KCNMB1: variants seen among roughly 807,000 people sequenced by gnomAD.
KCNMB1 encodes calcium-activated potassium channel subunit beta-1.
In KCNMB1, 22 loss-of-function variants were observed where a neutral mutation model predicts 21.7. The ratio of observed to expected loss-of-function variants is 1.01; its 90% CI spans 0.72 to 1.45. KCNMB1 has a LOEUF of 1.45. KCNMB1 is among the 40% of genes most tolerant of loss of function. The pLI is 0.00. For synonymous variants in KCNMB1, 114 were observed against 107.6 expected, an observed-to-expected ratio of 1.06 and a Z score of -0.37; for missense variants, 243 against 243.4, an observed-to-expected ratio of 1.00 and a Z score of 0.01.
chr5:170,378,653 C>T lies in KCNMB1; in HGVS notation c.*51G>A. The T allele has an allele frequency of 6.5e-7, 1 of 1,540,008 alleles. No homozygotes were observed. The highest frequency in any genetic ancestry group is 8.7e-7 in the Non-Finnish European group (1 of 1,146,128). On this transcript the variant is annotated 3_prime_UTR_variant, in exon 4 of 4. Coordinates refer to ENST00000274629, the MANE Select transcript of KCNMB1 (RefSeq NM_004137.4). ...TGCAAGTGGGGAGCAGCCCTGGGGG[C>T]CCAGCCAGTCCCCTGTGCCCTGACA...
In KCNMB1 at chr5:170,377,554, A is replaced by C. The variant is rs983629916; in HGVS notation, c.*1150T>G. 6.6e-6 allele frequency: 1 copy of C among 150,852 alleles called. No individual in the cohort carries two copies. Among genetic ancestry groups the C allele is most frequent in the Non-Finnish European group, 1.5e-5 (1 of 67,838 alleles). 9.3% of individuals were successfully genotyped at this position (150,852 alleles called of 1,614,324 possible). On this transcript the variant is annotated 3_prime_UTR_variant, in exon 4 of 4. Coordinates refer to ENST00000274629, the MANE Select transcript of KCNMB1 (RefSeq NM_004137.4). ...CTCTATATCATGACCTTTCCTCCAG[A>C]GGGTTGTTTTTCATTTTTTGTTTTT...
At position 170,377,316 on chromosome 5, in the gene KCNMB1, T is replaced by C. The variant is rs72834387; in HGVS notation, c.*1388A>G. 27,461 of 152,344 alleles carry C rather than the reference T, an allele frequency of 0.18. 2,740 individuals carry two copies. Among genetic ancestry groups the C allele is most frequent in the South Asian group, 0.29 (1,414 of 4,826 alleles). The allele number at this position is 152,344 out of a possible 1,614,324, so 9.4% of individuals were successfully genotyped here. On this transcript the variant is annotated 3_prime_UTR_variant, in exon 4 of 4. Transcript: ENST00000274629. ...GCGTGGTGGGGCTGGGACAGGGGCC[T>C]GAGAGTGTGCATTTCTCACAAGCTG... is the stretch of plus-strand genomic sequence containing the variant.
intron 3 of KCNMB1, among the ~76,000 whole-genome samples, chr5:170,381,849 T>C (rs930810915): frequency 6.6e-6 from 1 of 152,230 alleles, no homozygotes; most frequent in African/African-American, 2.4e-5. Context: ...GGCTACTGAA[T>C]GCCAACGCAG....
intron 3 of KCNMB1, among the ~76,000 whole-genome samples, chr5:170,381,428 T>C (rs974026195): frequency 6.6e-6 from 1 of 151,982 alleles, no homozygotes; most frequent in Non-Finnish European, 1.5e-5. Flanking sequence ...AGTTGGAGGG[T>C]GGGATGAGAG....
chr5:170,388,274 C>CTTAGGAGTAAGGT (rs1764567048), intron 1 of KCNMB1, among the ~76,000 whole-genome samples: 1 of 152,182 alleles, frequency 6.6e-6, no homozygotes, highest in Non-Finnish European at 1.5e-5. Flanking sequence ...CATGATAAAT[C>CTTAGGAGTAAGGT]CTCCTAAGAC....
chr5:170,381,458 T>C (rs1027822681), intron 3 of KCNMB1, among the ~76,000 whole-genome samples: 3 of 152,174 alleles, frequency 2.0e-5, no homozygotes, highest in African/African-American at 7.2e-5. Context: ...CCCTTCACAG[T>C]GATTCCAGAG....
chr5:170,382,811 C>G (rs1306252266), intron 3 of KCNMB1: 4 of 152,436 alleles, frequency 2.6e-5, no homozygotes, highest in African/African-American at 9.7e-5. Context: ...CTGTTCTTCT[C>G]CCCGGTGCCA....
intron 2 of KCNMB1, among the ~76,000 whole-genome samples, chr5:170,384,762 A>G (rs1764396459): frequency 3.3e-5 from 5 of 152,226 alleles, no homozygotes; most frequent in Admixed American, 2.6e-4. Flanking sequence ...TATGTCATGG[A>G]GCAAGGGCAT....
At chr5:170,385,842 A>G (rs1764446595) in intron 1 of KCNMB1, among the ~76,000 whole-genome samples, 1 of 152,050 alleles carries the variant, frequency 6.6e-6, no homozygotes, top group Non-Finnish European at 1.5e-5. Flanking sequence ...CTTGAAGGCC[A>G]GGTGCGGTGG....
At chr5:170,383,534 C>T (rs1764337558) in intron 3 of KCNMB1, 145 bp downstream of exon 3, 2 of 861,394 alleles carry the variant, frequency 2.3e-6, no homozygotes, top group Middle Eastern at 2.3e-4. Flanking sequence ...CACAGAAGAG[C>T]TAGGGCTGGC....
chr5:170,386,913 A>G (rs1764497895), intron 1 of KCNMB1, among the ~76,000 whole-genome samples: 1 of 151,968 alleles, frequency 6.6e-6, no homozygotes, highest in East Asian at 1.9e-4. Flanking sequence ...GCAAGCAAAG[A>G]TTCCACCCTC....
At chr5:170,379,806 C>T (rs78734121) in intron 3 of KCNMB1, among the ~76,000 whole-genome samples, 10,398 of 151,976 alleles carry the variant, frequency 0.068, 435 homozygotes, top group Middle Eastern at 0.15. Context: ...AAAAATTATC[C>T]AGGTGGGCAT....
In KCNMB1 at chr5:170,377,509, A is replaced by G. The variant is rs1329551350; in HGVS notation, c.*1195T>C. 1 of 151,932 alleles carries G rather than the reference A, an allele frequency of 6.6e-6. No individual in the cohort carries two copies. Among genetic ancestry groups the G allele is most frequent in the Admixed American group, 6.5e-5 (1 of 15,268 alleles). The allele number at this position is 151,932 out of a possible 1,614,324, so 9.4% of individuals were successfully genotyped here. Reference sequence around the variant, plus strand: ...GCTCAGTGCCAGAGTCCATACCCTCAATTTAAATAACAAATCCTCCTCTAT... The same window carrying G: ...GCTCAGTGCCAGAGTCCATACCCTCGATTTAAATAACAAATCCTCCTCTAT... On this transcript the variant is annotated 3_prime_UTR_variant, in exon 4 of 4. Transcript: ENST00000274629.
At position 170,379,067 on chromosome 5, in the gene KCNMB1, G is replaced by T. The variant is rs1202766291; in HGVS notation, c.307-94C>A. On this transcript the variant is annotated intron_variant, in intron 3 of 3. Coordinates refer to ENST00000274629, the MANE Select transcript of KCNMB1 (RefSeq NM_004137.4). ...AGTAAAGAAAAATACCAGCTTTGTAGTCGGGCCCCTGGATTGGAGTCGGGG... is the reference window on the plus strand; with the variant it reads ...AGTAAAGAAAAATACCAGCTTTGTATTCGGGCCCCTGGATTGGAGTCGGGG... The T allele has an allele frequency of 7.5e-6, 11 of 1,457,290 alleles. No homozygotes were observed. The African/African-American group carries it at 9.9e-5, about 13-fold the overall frequency. The allele number at this position is 1,457,290 out of a possible 1,614,324, so 90.3% of individuals were successfully genotyped here. A position where few individuals can be genotyped will look rare whatever the true frequency, so the allele number is the denominator to read the frequency against.
In KCNMB1 at chr5:170,383,766, C is replaced by T. The variant is rs368445526; in HGVS notation, c.219G>A (p.Gln73=). 9 of 1,614,058 alleles carry T rather than the reference C, an allele frequency of 5.6e-6. No individual in the cohort carries two copies. The highest frequency in any genetic ancestry group is 1.1e-5 in the South Asian group (1 of 91,090). The change falls in exon 3 of 4, where the codon CAG becomes CAA. Residue 73 remains glutamine (Q), a synonymous_variant. Coordinates refer to ENST00000274629, the MANE Select transcript of KCNMB1 (RefSeq NM_004137.4). ...ACACGTTGACCCACAGGCATGGGTA[C>T]TGGGGCACCTTCTTGCCCTTCAGCT... ...QEELKGKKVP[Q]YPCLWVNVSA... is the part of the protein sequence containing the mutation.
In KCNMB1 at chr5:170,383,865, C is replaced by T. The variant is rs746646863; in HGVS notation, c.135-15G>A. The T allele has an allele frequency of 1.2e-6, 2 of 1,612,756 alleles. No homozygotes were observed. The highest frequency in any genetic ancestry group is 1.1e-5 in the South Asian group (1 of 90,852). The stretch of plus-strand genomic sequence containing the variant: ...GGGTCCACACGCTGAGGAGACCACA[C>T]ACATGCACACATACACATCTCAGAA... On this transcript the variant is annotated splice_polypyrimidine_tract_variant and intron_variant, in intron 2 of 3. Coordinates refer to ENST00000274629, the MANE Select transcript of KCNMB1 (RefSeq NM_004137.4).
rs11134627 is a variant in KCNMB1 at position 170,376,909 on chromosome 5, A to C, written c.*1795T>G. The C allele has an allele frequency of 3.3e-5, 5 of 152,366 alleles. No homozygotes were observed. The East Asian group carries it at 9.6e-4, about 29-fold the overall frequency. The allele number at this position is 152,366 out of a possible 1,614,324, so 9.4% of individuals were successfully genotyped here. ...AAAACACACACACAAAACAAACAAAAAAAACTATAGTTGCCATTTTAAACA... is the reference window on the plus strand; with the variant it reads ...AAAACACACACACAAAACAAACAAACAAAACTATAGTTGCCATTTTAAACA... On this transcript the variant is annotated 3_prime_UTR_variant, in exon 4 of 4. Coordinates refer to ENST00000274629, the MANE Select transcript of KCNMB1 (RefSeq NM_004137.4).
At chr5:170,388,600 T>A (rs1160658180) in intron 1 of KCNMB1, among the ~76,000 whole-genome samples, 1 of 152,210 alleles carries the variant, frequency 6.6e-6, no homozygotes, top group Non-Finnish European at 1.5e-5. Context: ...TGGAGTGTCC[T>A]GGGTGACCTG....
At chr5:170,388,249 G>C (rs1348456798) in intron 1 of KCNMB1, among the ~76,000 whole-genome samples, 1 of 152,236 alleles carries the variant, frequency 6.6e-6, no homozygotes, top group African/African-American at 2.4e-5. Context: ...CCTGCACTGA[G>C]TGAGTTTATA....
Sources: allele counts gnomAD v4.1 joint callset (sites outside exome capture counted in the v4.1 genomes callset), GRCh38; gene constraint gnomAD v4.1.1; transcripts MANE v1.5; gene names NCBI Gene and HGNC (gene_info 2026-07-23, HGNC 2026-07-21).